The following NCKAP5 variants were observed in gnomAD, a reference collection of about 807,000 sequenced individuals.
The protein encoded by NCKAP5 is nck-associated protein 5.
NCKAP5 carries 92 observed loss-of-function variants against 167.0 expected under a neutral mutation model. The observed-to-expected ratio is 0.55, with a 90% CI of 0.47 to 0.66. The LOEUF is 0.66. Among genes scored for constraint, NCKAP5 ranks in the 30% least tolerant of loss-of-function variants. The pLI, the probability that NCKAP5 is intolerant of heterozygous loss-of-function variation, is 0.00. For synonymous variants in NCKAP5, 891 were observed against 877.4 expected (o/e 1.02, Z -0.27); for missense variants, 2,378 against 2,315.0 (o/e 1.03, Z -0.56).
At chr2:133,171,175 A>G (rs1044132285) in intron 5 of NCKAP5, among the ~76,000 whole-genome samples, 10 of 152,206 alleles carry the variant, frequency 6.6e-5, no homozygotes, top group Non-Finnish European at 1.2e-4. Context: ...TTATAATAAA[A>G]GGCAACAACC....
intron 19 of NCKAP5, among the ~76,000 whole-genome samples, chr2:132,720,851 A>T (rs1689846868): frequency 6.6e-6 from 1 of 152,056 alleles, no homozygotes; most frequent in Non-Finnish European, 1.5e-5. Context: ...TCTACCAAAA[A>T]AATACAAAAA....
intron 16 of NCKAP5, among the ~76,000 whole-genome samples, chr2:132,749,089 G>A (rs1679891700): frequency 1.3e-5 from 2 of 152,114 alleles, no homozygotes; most frequent in Non-Finnish European, 2.9e-5. Context: ...CTTTTTGTCA[G>A]CACTTCCTTT....
At chr2:132,894,404 T>C (rs552408106) in intron 8 of NCKAP5, among the ~76,000 whole-genome samples, 5 of 152,272 alleles carry the variant, frequency 3.3e-5, no homozygotes, top group African/African-American at 9.6e-5. Context: ...CCATGGGAGA[T>C]TTTTAGAAAA....
At chr2:133,002,742 C>T (rs532651118) in intron 6 of NCKAP5, among the ~76,000 whole-genome samples, 44 of 152,304 alleles carry the variant, frequency 2.9e-4, no homozygotes, top group African/African-American at 9.9e-4. Flanking sequence ...TCACTGACTC[C>T]TCCTTGTTGT....
At chr2:132,911,713 A>G (rs1694464852) in intron 8 of NCKAP5, among the ~76,000 whole-genome samples, 1 of 152,174 alleles carries the variant, frequency 6.6e-6, no homozygotes, top group Non-Finnish European at 1.5e-5. Context: ...TTGCCCTCCT[A>G]TGTGAACTCC....
intron 3 of NCKAP5, among the ~76,000 whole-genome samples, chr2:133,501,005 C>T (rs1278921704): frequency 6.6e-6 from 1 of 152,216 alleles, no homozygotes; most frequent in Non-Finnish European, 1.5e-5. Flanking sequence ...TTAGTATTCC[C>T]TGCAGGACCT....
chr2:132,689,173 C>A (rs1050752514), intron 19 of NCKAP5, among the ~76,000 whole-genome samples: 1 of 152,020 alleles, frequency 6.6e-6, no homozygotes, highest in African/African-American at 2.4e-5. Flanking sequence ...TGGGTGAATA[C>A]AACCATTCAC....
At chr2:133,635,436 G>A in the NCKAP5 span, among the ~76,000 whole-genome samples, 21 of 152,224 alleles carry the variant, frequency 1.4e-4, no homozygotes, top group Non-Finnish European at 1.9e-4. Flanking sequence ...GAGATTCTAG[G>A]AATCCACAGT....
intron 5 of NCKAP5, among the ~76,000 whole-genome samples, chr2:133,164,415 G>A (rs1016536415): frequency 6.6e-6 from 1 of 152,146 alleles, no homozygotes; most frequent in Non-Finnish European, 1.5e-5. Context: ...TCTTGGCAAC[G>A]TTGTTCACTC....
intron 4 of NCKAP5, chr2:133,268,588 T>C (rs1457242308): frequency 6.8e-6 from 1 of 146,682 alleles, no homozygotes; most frequent in East Asian, 2.2e-4. Context: ...GTTCACGCCA[T>C]TCTCCTGCCT....
At chr2:132,970,440 G>A (rs1187958064) in intron 7 of NCKAP5, among the ~76,000 whole-genome samples, 1 of 152,084 alleles carries the variant, frequency 6.6e-6, no homozygotes, top group Non-Finnish European at 1.5e-5. Context: ...GAGGTGACCT[G>A]TTTTCATTTT....
At chr2:132,815,611 GA>G (rs1326876309) in intron 11 of NCKAP5, among the ~76,000 whole-genome samples, 1 of 152,090 alleles carries the variant, frequency 6.6e-6, no homozygotes, top group Non-Finnish European at 1.5e-5. Flanking sequence ...CCTAATGGTA[GA>G]AAACTAAGGA....
chr2:133,299,337 G>C (rs1360962446), intron 4 of NCKAP5, among the ~76,000 whole-genome samples: 1 of 152,160 alleles, frequency 6.6e-6, no homozygotes, highest in Admixed American at 6.6e-5. Flanking sequence ...CTGGTGAGGA[G>C]CCCCATGGTG....
intron 6 of NCKAP5, chr2:133,123,009 C>T (rs2082295237): frequency 6.6e-6 from 1 of 152,146 alleles, no homozygotes; most frequent in Non-Finnish European, 1.5e-5. Flanking sequence ...CTTAGAGGTA[C>T]ACTGACACCA....
chr2:133,517,179 T>G (rs959534517), intron 3 of NCKAP5, among the ~76,000 whole-genome samples: 1 of 152,246 alleles, frequency 6.6e-6, no homozygotes, highest in Admixed American at 6.5e-5. Context: ...ACAGTAGTGT[T>G]TTTGTATAGG....
chr2:133,225,479 G>T (rs2086841718), intron 4 of NCKAP5, among the ~76,000 whole-genome samples: 1 of 152,150 alleles, frequency 6.6e-6, no homozygotes, highest in Non-Finnish European at 1.5e-5. Context: ...AGTTCCAAAG[G>T]GAAGAGTTGA....
Position 132,785,091 on chromosome 2 carries a change from C to A in NCKAP5, c.1720G>T (p.Ala574Ser). 2 of 1,614,078 alleles carry A rather than the reference C, an allele frequency of 1.2e-6. No individual in the cohort carries two copies. The highest frequency in any genetic ancestry group is 1.7e-6 in the Non-Finnish European group (2 of 1,179,906). The stretch of plus-strand genomic sequence containing the variant: ...GTGTCTGAAAGCTGGAGGTTGAGAG[C>A]CATGCGGCCATGGCCTTGGCCCTGT... ...GPQGQGHGRM[A>S]LNLQLSDTDD... is the part of the protein sequence containing the mutation. The change falls in exon 14 of 20, where the codon GCT becomes TCT. Residue 574 changes from alanine to serine, a missense_variant. Coordinates refer to ENST00000409261, the MANE Select transcript of NCKAP5 (RefSeq NM_207363.3).
At chr2:133,409,498 T>G (rs1453212560) in intron 3 of NCKAP5, among the ~76,000 whole-genome samples, 2 of 152,208 alleles carry the variant, frequency 1.3e-5, no homozygotes, top group Non-Finnish European at 2.9e-5. Context: ...CTTGCTGGAT[T>G]CTTAAGCCCT....
At chr2:133,231,862 T>G (rs1001128905) in intron 4 of NCKAP5, among the ~76,000 whole-genome samples, 1 of 152,204 alleles carries the variant, frequency 6.6e-6, no homozygotes, top group Non-Finnish European at 1.5e-5. Flanking sequence ...TGTAAATTGC[T>G]GAGGAGTTTG....
Sources: allele counts gnomAD v4.1 joint callset (sites outside exome capture counted in the v4.1 genomes callset), GRCh38; gene constraint gnomAD v4.1.1; transcripts MANE v1.5; gene names NCBI Gene and HGNC (gene_info 2026-07-23, HGNC 2026-07-21).